The following SRRM3 variants were observed in gnomAD, a reference collection of about 807,000 sequenced individuals.
SRRM3 encodes the protein serine/arginine repetitive matrix 3, also known as serine/arginine repetitive matrix protein 3.
SRRM3 carries 27 observed loss-of-function variants against 66.2 expected under a neutral mutation model. The ratio of observed to expected loss-of-function variants is 0.41; its 90% CI spans 0.30 to 0.56. SRRM3 has a LOEUF of 0.56. Ranked by LOEUF, SRRM3 falls within the 20% of genes least tolerant of loss-of-function variation. The probability of loss-of-function intolerance (pLI) is 0.32; values close to 1 mark genes in which losing one functional copy is unlikely to be tolerated. For synonymous variants in SRRM3, 391 were observed against 414.9 expected, an observed-to-expected ratio of 0.94 and a Z score of 0.70; for missense variants, 918 against 991.9, an observed-to-expected ratio of 0.93 and a Z score of 1.00.
At chr7:76,259,854 G>A (rs1554608256) in intron 3 of SRRM3, 52 bp from the exon 4 acceptor site, 1 of 1,597,712 alleles carries the variant, frequency 6.3e-7, no homozygotes, top group Non-Finnish European at 8.5e-7. Flanking sequence ...CGAGAAAAGG[G>A]GTGAAGAAAA....
chr7:76,279,785 C>A (rs1423169892), intron 11 of SRRM3, among the ~76,000 whole-genome samples: 2 of 152,214 alleles, frequency 1.3e-5, no homozygotes, highest in Non-Finnish European at 2.9e-5. Context: ...GATGCCCTTC[C>A]TGGTTTTCTG....
chr7:76,208,270 G>T (rs1800347133), intron 1 of SRRM3, among the ~76,000 whole-genome samples: 1 of 152,122 alleles, frequency 6.6e-6, no homozygotes, highest in Non-Finnish European at 1.5e-5. Context: ...CTTGAGCCCT[G>T]ATTTCCGCTG....
intron 8 of SRRM3, among the ~76,000 whole-genome samples, chr7:76,263,905 A>AAAAAAAAG (rs1563633331): frequency 2.1e-5 from 3 of 143,650 alleles, no homozygotes; most frequent in African/African-American, 8.2e-5. Flanking sequence ...AAAAAAAAAA[A>AAAAAAAAG]GCAGGGACAT....
intron 2 of SRRM3, among the ~76,000 whole-genome samples, chr7:76,247,707 TG>T (rs1177663514): frequency 6.6e-6 from 1 of 152,176 alleles, no homozygotes; most frequent in Non-Finnish European, 1.5e-5. Flanking sequence ...TGCTGTTGTT[TG>T]TTTTTTGAGA....
intron 1 of SRRM3, among the ~76,000 whole-genome samples, chr7:76,221,958 G>A (rs1314702653): frequency 6.6e-6 from 1 of 152,126 alleles, no homozygotes; most frequent in South Asian, 2.1e-4. Context: ...CCTGAGGTGC[G>A]GGTACTTATA....
chr7:76,242,971 A>C (rs2117015414), intron 2 of SRRM3, among the ~76,000 whole-genome samples: 1 of 152,260 alleles, frequency 6.6e-6, no homozygotes, highest in Admixed American at 6.5e-5. Flanking sequence ...CTGAGGTATC[A>C]GCAACCTCTG....
intron 1 of SRRM3, among the ~76,000 whole-genome samples, chr7:76,204,375 GT>G (rs1563602227): frequency 6.6e-6 from 1 of 152,106 alleles, no homozygotes; most frequent in Admixed American, 6.6e-5. Flanking sequence ...CTGTAACTTC[GT>G]ATACATGATC....
At chr7:76,225,475 C>T in intron 1 of SRRM3, among the ~76,000 whole-genome samples, 1 of 151,754 alleles carries the variant, frequency 6.6e-6, no homozygotes. Context: ...CCTCCCCGCC[C>T]CCCCCGCCCC....
rs1583891111 is a variant in SRRM3 at position 76,235,038 on chromosome 7, CCAGGCCAGCGGCT to C, written c.-27_-15del. On this transcript the variant is annotated 5_prime_UTR_variant, in exon 2 of 15. Transcript: ENST00000611745. Reference sequence around the variant, plus strand: ...GTGTCTGTCCCTCAGGGCCAGCGGCCCAGGCCAGCGGCTCCAGGGCCAGCCACGATGTCCTCCA... The same window carrying C: ...GTGTCTGTCCCTCAGGGCCAGCGGCCCCAGGGCCAGCCACGATGTCCTCCA... 2 of 1,532,980 alleles carry C rather than the reference CCAGGCCAGCGGCT, an allele frequency of 1.3e-6. No homozygotes were observed. Among genetic ancestry groups the C allele is most frequent in the Non-Finnish European group, 8.7e-7 (1 of 1,142,948 alleles). 95.0% of individuals were successfully genotyped at this position (1,532,980 alleles called of 1,614,324 possible). A position where few individuals can be genotyped will look rare whatever the true frequency, so the allele number is the denominator to read the frequency against.
At chr7:76,244,757 G>A (rs1275469110) in intron 2 of SRRM3, among the ~76,000 whole-genome samples, 4 of 152,064 alleles carry the variant, frequency 2.6e-5, no homozygotes, top group African/African-American at 9.7e-5. Context: ...CTATGGTAGC[G>A]CAACACCAGC....
intron 1 of SRRM3, among the ~76,000 whole-genome samples, chr7:76,205,154 C>T (rs1222951838): frequency 1.3e-5 from 2 of 152,188 alleles, no homozygotes; most frequent in African/African-American, 2.4e-5. Flanking sequence ...CTCATTTCCA[C>T]ACTGACCCAG....
chr7:76,282,367 C>T lies in SRRM3; in HGVS notation c.1371-281C>T, dbSNP rs1180508894. Among the ~76,000 whole-genome samples, 5 of 148,120 alleles carry T rather than the reference C, an allele frequency of 3.4e-5. No homozygotes were observed. The East Asian group carries it at 1.1e-3, about 31-fold the overall frequency. Reference sequence around the variant, plus strand: ...CTGATCACTGCCCCCAGGGAACCCCCTCTCCTCCCATGAGGCTCCCCGCTT... The same window carrying T: ...CTGATCACTGCCCCCAGGGAACCCCTTCTCCTCCCATGAGGCTCCCCGCTT... On this transcript the variant is annotated intron_variant, in intron 12 of 14. Coordinates refer to ENST00000611745, the MANE Select transcript of SRRM3 (RefSeq NM_001110199.3).
intron 1 of SRRM3, 119 bp from the exon 2 acceptor site, chr7:76,234,909 G>T (rs1801103572): frequency 7.7e-6 from 5 of 647,332 alleles, no homozygotes; most frequent in Non-Finnish European, 1.0e-5. Flanking sequence ...CACCAGGAAA[G>T]GAAGCGGATT....
At chr7:76,230,643 A>AGGAAG (rs781858594) in intron 1 of SRRM3, among the ~76,000 whole-genome samples, 13 of 151,550 alleles carry the variant, frequency 8.6e-5, no homozygotes, top group Admixed American at 3.3e-4. Flanking sequence ...ATTGAGAGTC[A>AGGAAG]GGAAGGGAAG....
chr7:76,221,388 A>G (rs1298700001), intron 1 of SRRM3, among the ~76,000 whole-genome samples: 24 of 49,510 alleles, frequency 4.8e-4, no homozygotes, highest in African/African-American at 9.6e-4. Flanking sequence ...TTTGAGACGG[A>G]GTCTCGCTCT....
chr7:76,283,630 T>C, intron 14 of SRRM3: 1 of 515,020 alleles, frequency 1.9e-6, no homozygotes, highest in Non-Finnish European at 3.6e-6. Context: ...TGGTCAGCTG[T>C]CCGTCTGTCT....
intron 3 of SRRM3, among the ~76,000 whole-genome samples, chr7:76,251,315 T>C (rs1246138647): frequency 2.6e-5 from 4 of 151,974 alleles, no homozygotes; most frequent in Non-Finnish European, 5.9e-5. Flanking sequence ...AGGAGTAAAC[T>C]AGTTAGCAAA....
At chr7:76,230,169 A>G (rs942274237) in intron 1 of SRRM3, among the ~76,000 whole-genome samples, 4 of 152,294 alleles carry the variant, frequency 2.6e-5, no homozygotes, top group East Asian at 1.9e-4. Flanking sequence ...CCAGTGTTCT[A>G]TCCAGTCAAT....
intron 14 of SRRM3, chr7:76,283,856 T>C: frequency 1.0e-6 from 1 of 985,112 alleles, no homozygotes; most frequent in Non-Finnish European, 1.2e-6. Flanking sequence ...TCTGCCTTTG[T>C]GGAAATCACC....
Sources: gnomAD v4.1 joint callset for allele counts (sites outside exome capture counted in the v4.1 genomes callset) on GRCh38, gnomAD v4.1.1 for gene constraint, MANE v1.5 for transcripts, NCBI Gene and HGNC (gene_info 2026-07-23, HGNC 2026-07-21) for gene names.